The following SLC23A2 variants were observed in gnomAD, a reference collection of about 807,000 sequenced individuals.
SLC23A2 encodes the protein solute carrier family 23 member 2, also known as Na(+)/L-ascorbic acid transporter 2.
Under a neutral mutation model 73.3 loss-of-function variants are expected in SLC23A2, and 36 were observed. The observed-to-expected ratio is 0.49, with a 90% CI of 0.38 to 0.65. SLC23A2 has a LOEUF of 0.65. Among genes scored for constraint, SLC23A2 ranks in the 30% least tolerant of loss-of-function variants. The pLI is 0.00. For synonymous variants in SLC23A2, 343 were observed against 327.3 expected (o/e 1.05, Z -0.52); for missense variants, 507 against 841.6 (o/e 0.60, Z 4.92).
At chr20:4,972,207 G>C (rs952068306) in intron 1 of SLC23A2, among the ~76,000 whole-genome samples, 1 of 152,128 alleles carries the variant, frequency 6.6e-6, no homozygotes, top group Non-Finnish European at 1.5e-5. Context: ...ATTTTCACTG[G>C]AAAATCCTTA....
At chr20:4,892,404 C>T (rs1470409362) in intron 6 of SLC23A2, among the ~76,000 whole-genome samples, 2 of 152,068 alleles carry the variant, frequency 1.3e-5, no homozygotes, top group South Asian at 2.1e-4. Flanking sequence ...CCAAGCTGAT[C>T]TCCAACTCCT....
At chr20:4,936,286 T>C (rs900722691) in intron 2 of SLC23A2, among the ~76,000 whole-genome samples, 10 of 152,222 alleles carry the variant, frequency 6.6e-5, no homozygotes, top group African/African-American at 2.4e-4. Context: ...GTTTATTTTT[T>C]CAGAAAATAA....
chr20:4,994,905 G>A (rs1453551566), intron 1 of SLC23A2, among the ~76,000 whole-genome samples: 1 of 151,822 alleles, frequency 6.6e-6, no homozygotes, highest in Non-Finnish European at 1.5e-5. Context: ...TTGCACTCTA[G>A]CCTGGGCAAC....
At chr20:4,996,436 C>G (rs1042096578) in intron 1 of SLC23A2, among the ~76,000 whole-genome samples, 10 of 151,886 alleles carry the variant, frequency 6.6e-5, no homozygotes, top group Admixed American at 5.9e-4. Context: ...GCCTGTAATC[C>G]CAGCACTTTG....
intron 1 of SLC23A2, among the ~76,000 whole-genome samples, chr20:4,990,717 C>T (rs963690298): frequency 2.0e-5 from 3 of 151,110 alleles, no homozygotes; most frequent in African/African-American, 7.3e-5. Flanking sequence ...CACAGTGGCT[C>T]ACGCCTGTAA....
intron 2 of SLC23A2, among the ~76,000 whole-genome samples, chr20:4,955,224 A>C (rs1244914095): frequency 6.6e-6 from 1 of 152,096 alleles, no homozygotes; most frequent in Non-Finnish European, 1.5e-5. Flanking sequence ...TCTGCAATCC[A>C]GCCTGGGCAA....
intron 13 of SLC23A2, among the ~76,000 whole-genome samples, chr20:4,865,296 C>T (rs747646517): frequency 6.6e-5 from 10 of 152,238 alleles, no homozygotes; most frequent in South Asian, 2.1e-4. Context: ...CGAGATAGTA[C>T]TTGCTCTGTT....
rs953655187 is a variant in SLC23A2 at position 4,853,516 on chromosome 20, G to A, written c.*3456C>T. On this transcript the variant is annotated 3_prime_UTR_variant, in exon 17 of 17. Coordinates refer to ENST00000338244, the MANE Select transcript of SLC23A2 (RefSeq NM_005116.6). The stretch of plus-strand genomic sequence containing the variant: ...GTAAATAAAGTATACACACATACTA[G>A]AGATTCATCAATGGAGAAATTCTAT... The A allele has an allele frequency of 2.6e-5, 4 of 152,636 alleles. No individual in the cohort carries two copies. Among genetic ancestry groups the A allele is most frequent in the African/African-American group, 7.2e-5 (3 of 41,438 alleles). 9.5% of individuals were successfully genotyped at this position (152,636 alleles called of 1,614,324 possible).
At chr20:4,995,594 G>A (rs62200399) in intron 1 of SLC23A2, among the ~76,000 whole-genome samples, 21,461 of 152,124 alleles carry the variant, frequency 0.14, 1,944 homozygotes, top group Non-Finnish European at 0.21. Context: ...CCTCGATCTG[G>A]AATGTCATTC....
At chr20:4,974,304 C>T (rs922459293) in intron 1 of SLC23A2, among the ~76,000 whole-genome samples, 1 of 151,970 alleles carries the variant, frequency 6.6e-6, no homozygotes, top group African/African-American at 2.4e-5. Flanking sequence ...TCCATCTCTA[C>T]TAAAAATACA....
At chr20:4,881,017 T>C (rs1930862005) in intron 9 of SLC23A2, among the ~76,000 whole-genome samples, 1 of 151,934 alleles carries the variant, frequency 6.6e-6, no homozygotes, top group African/African-American at 2.4e-5. Context: ...AGAGAACGGG[T>C]TCAGAATTTG....
In SLC23A2 at chr20:4,862,990, G is replaced by C; in HGVS notation, c.1357-83C>G. 1 of 1,415,060 alleles carries C rather than the reference G, an allele frequency of 7.1e-7. No homozygotes were observed. Among genetic ancestry groups the C allele is most frequent in the Non-Finnish European group, 9.7e-7 (1 of 1,030,156 alleles). 87.7% of individuals were successfully genotyped at this position (1,415,060 alleles called of 1,614,324 possible). The stretch of plus-strand genomic sequence containing the variant: ...AAGTTACTAAAGAACACACAGCAGA[G>C]ATACCCATGGCCTGGCTCGCTACCT... On this transcript the variant is annotated intron_variant, in intron 13 of 16. Coordinates refer to ENST00000338244, the MANE Select transcript of SLC23A2 (RefSeq NM_005116.6). The surrounding 1 kb of genome is among the most constrained non-coding windows in gnomAD (Gnocchi z 5.1).
At chr20:4,906,380 C>T (rs1272953082) in intron 4 of SLC23A2, among the ~76,000 whole-genome samples, 2 of 151,950 alleles carry the variant, frequency 1.3e-5, no homozygotes, top group East Asian at 3.9e-4. Context: ...AATCCCAGCA[C>T]TTTGGGAGGC....
At chr20:4,980,435 G>C (rs1398955099) in intron 1 of SLC23A2, among the ~76,000 whole-genome samples, 3 of 151,950 alleles carry the variant, frequency 2.0e-5, no homozygotes, top group Non-Finnish European at 4.4e-5. Flanking sequence ...AAGATACATT[G>C]CTAAGTAAAA....
intron 11 of SLC23A2, among the ~76,000 whole-genome samples, chr20:4,873,465 C>T (rs1410227289): frequency 6.6e-6 from 1 of 152,224 alleles, no homozygotes; most frequent in African/African-American, 2.4e-5. Context: ...CAACTTACCT[C>T]TACAGCTGTG....
intron 4 of SLC23A2, among the ~76,000 whole-genome samples, chr20:4,903,127 G>T (rs746880857): frequency 4.6e-5 from 7 of 152,032 alleles, no homozygotes; most frequent in Non-Finnish European, 8.8e-5. Context: ...TTTGAATTCT[G>T]TTTAAAAAAC....
At chr20:4,954,717 G>A (rs796382153) in intron 2 of SLC23A2, among the ~76,000 whole-genome samples, 444 of 126,426 alleles carry the variant, frequency 3.5e-3, no homozygotes, top group African/African-American at 0.01. Context: ...AAAAAAAAAA[G>A]AAAGAAAGAA....
chr20:5,008,173 G>C (rs781554982), intron 1 of SLC23A2, among the ~76,000 whole-genome samples: 8 of 152,134 alleles, frequency 5.3e-5, no homozygotes, highest in Non-Finnish European at 8.8e-5. Flanking sequence ...GCCTCCCAAA[G>C]TGCTGGGATT....
At chr20:4,898,612 C>T (rs1294316106) in intron 6 of SLC23A2, among the ~76,000 whole-genome samples, 1 of 152,138 alleles carries the variant, frequency 6.6e-6, no homozygotes, top group African/African-American at 2.4e-5. Flanking sequence ...AGAGGCTGCA[C>T]TGCGAAGAGG....
Sources: gnomAD v4.1 joint callset for allele counts (sites outside exome capture counted in the v4.1 genomes callset) on GRCh38, gnomAD v4.1.1 for gene constraint, Gnocchi (gnomAD v3.1) non-coding constraint, MANE v1.5 for transcripts, NCBI Gene and HGNC (gene_info 2026-07-23, HGNC 2026-07-21) for gene names.